Variants in KIAA1549 observed in about 807,000 individuals in gnomAD.
KIAA1549 encodes KIAA1549.
Under a neutral mutation model 156.4 loss-of-function variants are expected in KIAA1549, and 70 were observed. That is an observed-to-expected ratio of 0.45 (90% CI 0.37 to 0.55). KIAA1549 has a LOEUF of 0.55. KIAA1549 is among the 20% of genes least tolerant of loss of function. The probability of loss-of-function intolerance (pLI) is 0.00; values close to 1 mark genes in which losing one functional copy is unlikely to be tolerated. For synonymous variants in KIAA1549, 1,103 were observed against 1,066.4 expected (o/e 1.03, Z -0.67); for missense variants, 2,428 against 2,540.9 (o/e 0.96, Z 0.96).
chr7:138,895,502 CATG>C (rs2130435223), intron 9 of KIAA1549, among the ~76,000 whole-genome samples: 1 of 152,134 alleles, frequency 6.6e-6, no homozygotes, highest in East Asian at 1.9e-4. Context: ...TTGAAAACAT[CATG>C]ATAATGGAAC....
intron 5 of KIAA1549, among the ~76,000 whole-genome samples, chr7:138,907,694 C>G (rs1044503753): frequency 2.0e-5 from 3 of 152,212 alleles, no homozygotes. Flanking sequence ...CTGCCACACC[C>G]AGGCCAACAG....
chr7:138,885,662 C>T (rs975993550), intron 10 of KIAA1549, among the ~76,000 whole-genome samples: 1 of 152,208 alleles, frequency 6.6e-6, no homozygotes, highest in African/African-American at 2.4e-5. Flanking sequence ...TTCTCAGGGC[C>T]ATGGTCACTC....
At chr7:138,882,785 G>A (rs1004743886) in intron 10 of KIAA1549, among the ~76,000 whole-genome samples, 6 of 152,052 alleles carry the variant, frequency 3.9e-5, no homozygotes, top group Admixed American at 2.6e-4. Context: ...GCACAAAACC[G>A]AAGGAGAAAG....
chr7:138,881,209 C>T (rs748881770), intron 11 of KIAA1549, among the ~76,000 whole-genome samples, 179 bp downstream of exon 11: 1 of 152,104 alleles, frequency 6.6e-6, no homozygotes, highest in Non-Finnish European at 1.5e-5. Flanking sequence ...TTTGGCAGCC[C>T]GTGAGAGTGG....
At chr7:138,868,845 T>C (rs943630275) in intron 14 of KIAA1549, among the ~76,000 whole-genome samples, 6 of 152,128 alleles carry the variant, frequency 3.9e-5, no homozygotes, top group African/African-American at 1.2e-4. Flanking sequence ...CCAGGCCGTC[T>C]CCTGGGTGGC....
intron 15 of KIAA1549, among the ~76,000 whole-genome samples, chr7:138,867,034 C>T (rs1180750032): frequency 1.3e-5 from 2 of 152,144 alleles, no homozygotes; most frequent in African/African-American, 4.8e-5. Context: ...AACACCTGGG[C>T]TCAAGCGATC....
chr7:138,882,948 G>A (rs1584728216), intron 10 of KIAA1549, among the ~76,000 whole-genome samples: 2 of 151,780 alleles, frequency 1.3e-5, no homozygotes, highest in African/African-American at 4.8e-5. Context: ...AAGATATTAT[G>A]TCATCAAACA....
Position 138,949,252 on chromosome 7 carries a change from C to T in KIAA1549, c.188-29814G>A, listed in dbSNP as rs368968252. Among the ~76,000 whole-genome samples the T allele has an allele frequency of 2.6e-5, 4 of 152,142 alleles. No homozygotes were observed. The East Asian group carries it at 7.7e-4, about 29-fold the overall frequency. ...ACAAAGCAGTCATTACCCTCATCTACCCCAAGTCGCTGAAAGATAAAAAAG... is the reference window on the plus strand; with the variant it reads ...ACAAAGCAGTCATTACCCTCATCTATCCCAAGTCGCTGAAAGATAAAAAAG... On this transcript the variant is annotated intron_variant, in intron 1 of 19. Coordinates refer to ENST00000422774, the MANE Select transcript of KIAA1549 (RefSeq NM_001164665.2).
intron 18 of KIAA1549, 24 bp from the exon 19 acceptor site, chr7:138,840,302 C>T (rs763929696): frequency 1.9e-6 from 3 of 1,594,676 alleles, no homozygotes; most frequent in Non-Finnish European, 1.7e-6. Context: ...GGTGGAGTGG[C>T]CTGGTCAACA....
At chr7:138,871,404 TAAAG>T in intron 12 of KIAA1549, 42 bp from the exon 13 acceptor site, 1 of 1,465,822 alleles carries the variant, frequency 6.8e-7, no homozygotes, top group Non-Finnish European at 9.1e-7. Flanking sequence ...CGAAGTCATC[TAAAG>T]AAACAGCAAC....
chr7:138,912,326 G>T, intron 3 of KIAA1549, 46 bp downstream of exon 3: 1 of 1,422,824 alleles, frequency 7.0e-7, no homozygotes, highest in Non-Finnish European at 9.9e-7. Context: ...TCTCACATCA[G>T]CCCCAGTCTC....
intron 1 of KIAA1549, among the ~76,000 whole-genome samples, chr7:138,964,334 G>T (rs567518098): frequency 3.3e-5 from 5 of 152,190 alleles, no homozygotes; most frequent in Admixed American, 6.5e-5. Context: ...AGGAGACCGT[G>T]GCTGGGGGTG....
intron 17 of KIAA1549, among the ~76,000 whole-genome samples, chr7:138,848,389 T>C (rs907242758): frequency 9.9e-5 from 15 of 152,244 alleles, no homozygotes; most frequent in Non-Finnish European, 7.3e-5. Context: ...TGATGGGATG[T>C]TGAATTTTAC....
At chr7:138,968,823 G>A (rs150591469) in intron 1 of KIAA1549, among the ~76,000 whole-genome samples, 3,605 of 133,258 alleles carry the variant, frequency 0.027, 165 homozygotes, top group African/African-American at 0.099. Flanking sequence ...TCGCGCCACT[G>A]CACTCCAGCT....
chr7:138,907,116 G>C lies in KIAA1549; in HGVS notation c.3277-14C>G, dbSNP rs779242495. ...GATATTCAAGATCTGAAAGAATAAA[G>C]TCAGAATAAGCTTCTATAATAAAAC... On this transcript the variant is annotated splice_polypyrimidine_tract_variant and intron_variant, in intron 5 of 19. Transcript: ENST00000422774. 15 of 1,555,700 alleles carry C rather than the reference G, an allele frequency of 9.6e-6. No homozygotes were observed. Among genetic ancestry groups the C allele is most frequent in the Middle Eastern group, 3.5e-4 (2 of 5,790 alleles).
intron 2 of KIAA1549, among the ~76,000 whole-genome samples, chr7:138,915,821 G>A (rs770668125): frequency 3.3e-5 from 5 of 152,094 alleles, no homozygotes; most frequent in African/African-American, 1.2e-4. Flanking sequence ...CATGACCCTC[G>A]AGACCACATA....
At position 138,871,215 on chromosome 7, in the gene KIAA1549, G is replaced by A. The variant is rs1198453491; in HGVS notation, c.4493C>T (p.Pro1498Leu). 3 of 1,613,252 alleles carry A rather than the reference G, an allele frequency of 1.9e-6. No individual in the cohort carries two copies. The Admixed American group carries it at 5.0e-5, about 27-fold the overall frequency. Reference protein sequence around the residue: ...LIAMQPIPAPPVQRPSPADRV... With the variant: ...LIAMQPIPAPLVQRPSPADRV... ...GTCGGCTGGGGAGGGGCGCTGGACG[G>A]GAGGTGCCGGGATCGGCTGCATGGC... The change falls in exon 13 of 20, where the codon CCC (proline) becomes CTC (leucine). Residue 1498 changes from proline (P) to leucine (L), a missense_variant. Physicochemically the swap from Pro to Leu is moderately conservative, Grantham distance 98. Transcript: ENST00000422774.
chr7:138,942,825 G>A lies in KIAA1549; in HGVS notation c.188-23387C>T, dbSNP rs183885039. 2.6e-3 allele frequency among the ~76,000 whole-genome samples: 391 copies of A among 152,042 alleles called. 3 individuals carry two copies. Among genetic ancestry groups the A allele is most frequent in the African/African-American group, 8.6e-3 (358 of 41,464 alleles). Reference sequence around the variant, plus strand: ...CTCGGGAGGCTGAGGCAGGAGAATCGCTTGAACCCAGGAGGTGGAGGTTGC... The same window carrying A: ...CTCGGGAGGCTGAGGCAGGAGAATCACTTGAACCCAGGAGGTGGAGGTTGC... On this transcript the variant is annotated intron_variant, in intron 1 of 19. Transcript: ENST00000422774.
intron 13 of KIAA1549, 146 bp from the exon 14 acceptor site, chr7:138,869,907 T>C: frequency 4.7e-6 from 3 of 641,702 alleles, no homozygotes; most frequent in Non-Finnish European, 8.0e-6. Flanking sequence ...TGGAGTGCAA[T>C]GGCATGATCT....
Sources: gnomAD v4.1 joint callset for allele counts (sites outside exome capture counted in the v4.1 genomes callset) on GRCh38, gnomAD v4.1.1 for gene constraint, MANE v1.5 for transcripts, NCBI Gene and HGNC (gene_info 2026-07-23, HGNC 2026-07-21) for gene names.